DNAH14: variants seen among roughly 807,000 people sequenced by gnomAD.
DNAH14 encodes the protein axonemal beta dynein heavy chain 14.
In DNAH14, 478 loss-of-function variants were observed where a neutral mutation model predicts 520.9. That is an observed-to-expected ratio of 0.92 (90% confidence interval 0.85 to 0.99). DNAH14 has a LOEUF of 0.99. Ranked by LOEUF, DNAH14 falls within the 50% of genes least tolerant of loss-of-function variation. The pLI is 0.00. For missense variants in DNAH14, 4,831 were observed against 5,234.5 expected (o/e 0.92, Z 2.38); for synonymous variants, 1,581 against 1,757.2 (o/e 0.90, Z 2.51).
At chr1:225,369,353 A>T (rs1431812680) in intron 77 of DNAH14, among the ~76,000 whole-genome samples, 2 of 152,088 alleles carry the variant, frequency 1.3e-5, no homozygotes, top group Admixed American at 1.3e-4. Context: ...GAAAAAGTGA[A>T]ATTAATGAAG....
At chr1:225,020,749 A>G (rs938953977) in intron 10 of DNAH14, among the ~76,000 whole-genome samples, 1 of 152,174 alleles carries the variant, frequency 6.6e-6, no homozygotes, top group Non-Finnish European at 1.5e-5. Flanking sequence ...AAGAGCTAGT[A>G]CCAATCCTAC....
At chr1:224,977,432 A>G (rs1388964375) in intron 8 of DNAH14, among the ~76,000 whole-genome samples, 1 of 152,218 alleles carries the variant, frequency 6.6e-6, no homozygotes, top group African/African-American at 2.4e-5. Context: ...GCACACGTAT[A>G]CATATGTAAC....
In DNAH14 at chr1:225,097,173, A is replaced by C. The variant is rs2075057612; in HGVS notation, c.3629A>C (p.Glu1210Ala). The C allele has an allele frequency of 1.9e-6, 3 of 1,550,662 alleles. No homozygotes were observed. Residue 1210 changes from glutamate (E) to alanine (A), a missense_variant, in exon 22 of 86, where the codon GAA becomes GCA. Transcript: ENST00000682510. ...ACTCTCTTCTCTTACACCCTTGAGG[A>C]ATGGATGAATTGTCAAAGAAATTGG... ...NLTLFSYTLE[E>A]WMNCQRNWLY...
intron 73 of DNAH14, chr1:225,357,955 G>A (rs2150525106): frequency 1.6e-6 from 1 of 642,980 alleles, no homozygotes; most frequent in Admixed American, 2.4e-5. Flanking sequence ...CTGAACCTCT[G>A]TTTACTATGC....
chr1:225,170,445 A>T (rs1323223090), intron 36 of DNAH14, among the ~76,000 whole-genome samples: 1 of 152,170 alleles, frequency 6.6e-6, no homozygotes, highest in African/African-American at 2.4e-5. Context: ...CAAATGGAAA[A>T]CAAAAAAGGC....
At chr1:224,976,157 A>G (rs1274125244) in intron 8 of DNAH14, among the ~76,000 whole-genome samples, 2 of 151,982 alleles carry the variant, frequency 1.3e-5, no homozygotes, top group Non-Finnish European at 2.9e-5. Context: ...TATGTGGTCA[A>G]TTTTGGAATA....
rs146423285 is a variant in DNAH14, at chr1:225,155,877, G to C, written c.5273+2051G>C. Among the ~76,000 whole-genome samples, 135 of 152,258 alleles carry C rather than the reference G, an allele frequency of 8.9e-4. 1 individual carries two copies. The highest frequency in any genetic ancestry group is 3.1e-3 in the African/African-American group (128 of 41,538). ...TTATTTTAAGAGGATGAAGATGACTGTATTTTAAGAGGGTTGATGAATTTT... is the reference window on the plus strand; with the variant it reads ...TTATTTTAAGAGGATGAAGATGACTCTATTTTAAGAGGGTTGATGAATTTT... On this transcript the variant is annotated intron_variant, in intron 34 of 85. Coordinates refer to ENST00000682510, the MANE Select transcript of DNAH14 (RefSeq NM_001367479.1).
At chr1:224,988,158 GT>G (rs1026033334) in intron 8 of DNAH14, among the ~76,000 whole-genome samples, 10 of 152,052 alleles carry the variant, frequency 6.6e-5, no homozygotes, top group African/African-American at 2.2e-4. Flanking sequence ...GCGGTGTTCA[GT>G]TTTTTTCCTG....
At chr1:225,138,758 T>G (rs1158049592) in intron 27 of DNAH14, among the ~76,000 whole-genome samples, 1 of 152,124 alleles carries the variant, frequency 6.6e-6, no homozygotes, top group African/African-American at 2.4e-5. Context: ...TTCCTTTGGC[T>G]CCATGCTATT....
At chr1:225,070,012 T>G (rs1335125096) in intron 17 of DNAH14, among the ~76,000 whole-genome samples, 7 of 152,238 alleles carry the variant, frequency 4.6e-5, no homozygotes, top group South Asian at 2.1e-4. Flanking sequence ...TCATAATGTT[T>G]TCTGATAGTT....
chr1:225,017,561 TG>T (rs954761329), intron 10 of DNAH14, among the ~76,000 whole-genome samples: 10 of 152,156 alleles, frequency 6.6e-5, no homozygotes, highest in African/African-American at 2.2e-4. Flanking sequence ...CTTCCCCCAT[TG>T]GAACACTTTT....
chr1:225,116,258 T>C (rs2076866661), intron 23 of DNAH14, among the ~76,000 whole-genome samples: 1 of 152,156 alleles, frequency 6.6e-6, no homozygotes, highest in Admixed American at 6.5e-5. Context: ...AGTTTTTACT[T>C]TTATAAGTAG....
At position 225,056,335 on chromosome 1, in the gene DNAH14, T is replaced by G. The variant is rs1242585950; in HGVS notation, c.2424+4540T>G. Among the ~76,000 whole-genome samples the G allele has an allele frequency of 3.3e-5, 5 of 152,366 alleles. No individual in the cohort carries two copies. In the East Asian group the frequency reaches 9.6e-4, roughly 29 times the overall value. ...CTTTTGGCTGCATAAATGTCTTCTT[T>G]TGAGAAGTGTCTGTTCATATCCTTC... On this transcript the variant is annotated intron_variant, in intron 17 of 85. Coordinates refer to ENST00000682510, the MANE Select transcript of DNAH14 (RefSeq NM_001367479.1).
chr1:225,167,556 C>T (rs1048498001), intron 35 of DNAH14, among the ~76,000 whole-genome samples: 3 of 152,094 alleles, frequency 2.0e-5, no homozygotes, highest in Non-Finnish European at 4.4e-5. Flanking sequence ...GAAAACCTGT[C>T]TTAATAATGA....
intron 2 of DNAH14, among the ~76,000 whole-genome samples, chr1:224,953,484 G>T (rs2060312987): frequency 6.6e-6 from 1 of 151,978 alleles, no homozygotes; most frequent in South Asian, 2.1e-4. Flanking sequence ...AGAGCAAAGG[G>T]CCAAGAATAT....
At chr1:225,042,740 T>C in intron 12 of DNAH14, 95 bp from the exon 13 acceptor site, 1 of 1,340,270 alleles carries the variant, frequency 7.5e-7, no homozygotes, top group Admixed American at 2.7e-5. Flanking sequence ...ACTGGAGTTA[T>C]GATTTCTCAT....
At position 224,954,984 on chromosome 1, in the gene DNAH14, T is replaced by C. The variant is rs1425390170; in HGVS notation, c.103T>C (p.Tyr35His). ...ACTTTTAAGATATGAAGAGAAAAAATATGAAGATGTGAAACCATTAGAGAC... is the reference window on the plus strand; with the variant it reads ...ACTTTTAAGATATGAAGAGAAAAAACATGAAGATGTGAAACCATTAGAGAC... ...PRLLRYEEKK[Y>H]EDVKPLETQP... The change falls in exon 3 of 86, where the codon TAT (tyrosine) becomes CAT (histidine). Residue 35 changes from tyrosine (Y) to histidine (H), a missense_variant. Tyr to His is a moderately conservative substitution (Grantham distance 83). Transcript: ENST00000682510. The C allele has an allele frequency of 6.3e-7, 1 of 1,599,078 alleles. No homozygotes were observed. Among genetic ancestry groups the C allele is most frequent in the African/African-American group, 1.3e-5 (1 of 74,462 alleles).
At chr1:225,240,262 T>C (rs2091891203) in intron 42 of DNAH14, among the ~76,000 whole-genome samples, 3 of 150,144 alleles carry the variant, frequency 2.0e-5, no homozygotes, top group African/African-American at 7.3e-5. Flanking sequence ...CATATATATG[T>C]ATATTAAATA....
intron 11 of DNAH14, among the ~76,000 whole-genome samples, chr1:225,033,672 A>G (rs2066716612): frequency 6.6e-6 from 1 of 152,130 alleles, no homozygotes; most frequent in African/African-American, 2.4e-5. Flanking sequence ...TTTGATCAGT[A>G]TAGCCATTTT....
Sources: allele counts gnomAD v4.1 joint callset (sites outside exome capture counted in the v4.1 genomes callset), GRCh38; gene constraint gnomAD v4.1.1; transcripts MANE v1.5; gene names NCBI Gene and HGNC (gene_info 2026-07-23, HGNC 2026-07-21).